Variants in STAU2 observed in about 807,000 individuals in gnomAD.
STAU2 encodes the protein double-stranded RNA-binding protein Staufen homolog 2.
STAU2 carries 20 observed loss-of-function variants against 65.9 expected under a neutral mutation model. That is an observed-to-expected ratio of 0.30 (90% CI 0.21 to 0.44). The LOEUF (loss-of-function observed/expected upper bound fraction) is 0.44. Among genes scored for constraint, STAU2 ranks in the 20% least tolerant of loss-of-function variants. The probability of loss-of-function intolerance (pLI) is 1.00; values close to 1 mark genes in which losing one functional copy is unlikely to be tolerated. For missense variants in STAU2, 558 were observed against 683.9 expected (o/e 0.82, Z 2.05); for synonymous variants, 232 against 233.9 (o/e 0.99, Z 0.07).
chr8:73,635,458 C>T (rs546504796), intron 6 of STAU2, among the ~76,000 whole-genome samples: 10 of 152,078 alleles, frequency 6.6e-5, no homozygotes, highest in African/African-American at 2.4e-4. Context: ...GGAAAATAGT[C>T]ATACTGGTTT....
chr8:73,724,292 G>C (rs1325000375), intron 3 of STAU2, among the ~76,000 whole-genome samples: 1 of 152,102 alleles, frequency 6.6e-6, no homozygotes, highest in Non-Finnish European at 1.5e-5. Flanking sequence ...CACGATCCTT[G>C]TTACACCACA....
chr8:73,478,254 T>C (rs1346430507), intron 13 of STAU2, among the ~76,000 whole-genome samples: 6 of 141,096 alleles, frequency 4.3e-5, no homozygotes, highest in Non-Finnish European at 9.0e-5. Context: ...GAATTAAGAA[T>C]TATCTTGGGC....
intron 3 of STAU2, among the ~76,000 whole-genome samples, chr8:73,714,520 T>A (rs1821111579): frequency 6.6e-6 from 1 of 152,032 alleles, no homozygotes. Flanking sequence ...CTCTCTCACA[T>A]AAACACAAAG....
intron 3 of STAU2, among the ~76,000 whole-genome samples, chr8:73,713,839 C>T (rs1821061664): frequency 1.3e-5 from 2 of 152,150 alleles, no homozygotes; most frequent in South Asian, 2.1e-4. Flanking sequence ...TACCTCGCTT[C>T]GCAAGGCAAA....
At chr8:73,669,232 T>C (rs1268185286) in intron 6 of STAU2, 2 of 597,612 alleles carry the variant, frequency 3.3e-6, no homozygotes, top group African/African-American at 1.9e-5. Context: ...AGCTTACTAG[T>C]ACTTTCCGAT....
intron 10 of STAU2, among the ~76,000 whole-genome samples, chr8:73,600,994 A>C (rs561373762): frequency 5.3e-4 from 81 of 152,374 alleles, no homozygotes; most frequent in Admixed American, 1.2e-3. Flanking sequence ...AAAGTTAAGT[A>C]AGTTTATAAA....
chr8:73,527,953 T>C, intron 13 of STAU2: 1 of 496,388 alleles, frequency 2.0e-6, no homozygotes. Context: ...GGACTTGAAT[T>C]GAATCTATTA....
At chr8:73,503,543 T>C (rs1821878040) in intron 13 of STAU2, among the ~76,000 whole-genome samples, 1 of 148,218 alleles carries the variant, frequency 6.7e-6, no homozygotes, top group Non-Finnish European at 1.5e-5. Context: ...CCTTGATTCT[T>C]GTTTAAAATC....
Position 73,569,040 on chromosome 8 carries a change from G to A in STAU2, c.1222+13730C>T, listed in dbSNP as rs186802708. The stretch of plus-strand genomic sequence containing the variant: ...TCTCACCTGGGAAGCGCAAGGGGTC[G>A]GGGAATTCCCTTTCCTAGACAAGGG... On this transcript the variant is annotated intron_variant, in intron 12 of 14. Transcript: ENST00000524300. Among the ~76,000 whole-genome samples, 241 of 152,160 alleles carry A rather than the reference G, an allele frequency of 1.6e-3. 2 individuals carry two copies. The highest frequency in any genetic ancestry group is 6.8e-3 in the Middle Eastern group (2 of 292).
At chr8:73,499,978 CTTTAT>C (rs1821647122) in intron 13 of STAU2, among the ~76,000 whole-genome samples, 3 of 151,858 alleles carry the variant, frequency 2.0e-5, no homozygotes, top group African/African-American at 7.2e-5. Flanking sequence ...GGCTCCATGC[CTTTAT>C]TTTATTTATC....
intron 13 of STAU2, among the ~76,000 whole-genome samples, chr8:73,517,591 TG>T (rs1024335627): frequency 1.3e-5 from 2 of 152,224 alleles, no homozygotes; most frequent in African/African-American, 4.8e-5. Context: ...TAACCTGTTA[TG>T]AAACACCAAG....
At chr8:73,511,281 ACTTTC>A (rs1822386503) in intron 13 of STAU2, 1 of 152,730 alleles carries the variant, frequency 6.5e-6, no homozygotes, top group Non-Finnish European at 1.5e-5. Context: ...CATCAACATC[ACTTTC>A]ACCATCATAG....
intron 13 of STAU2, among the ~76,000 whole-genome samples, chr8:73,468,799 G>C (rs906424549): frequency 1.3e-5 from 2 of 152,044 alleles, no homozygotes; most frequent in Non-Finnish European, 2.9e-5. Context: ...AAAAAGTCAG[G>C]AAACGACAGG....
intron 6 of STAU2, among the ~76,000 whole-genome samples, chr8:73,656,072 C>T (rs879557123): frequency 3.0e-4 from 46 of 152,096 alleles, no homozygotes; most frequent in Admixed American, 9.2e-4. Flanking sequence ...CATGAGTCAC[C>T]GTGCCAGGCC....
chr8:73,570,514 GGAAA>G (rs1808985118), intron 12 of STAU2, among the ~76,000 whole-genome samples: 1 of 152,162 alleles, frequency 6.6e-6, no homozygotes, highest in African/African-American at 2.4e-5. Flanking sequence ...GAACCAAGTT[GGAAA>G]ACACTCTGCA....
chr8:73,721,127 A>AT (rs1176373951), intron 3 of STAU2, among the ~76,000 whole-genome samples: 1 of 150,274 alleles, frequency 6.7e-6, no homozygotes, highest in African/African-American at 2.4e-5. Context: ...AAAAAAAAAA[A>AT]AAAAAAAAGA....
At chr8:73,577,900 T>A (rs114075084) in intron 12 of STAU2, among the ~76,000 whole-genome samples, 1,757 of 152,324 alleles carry the variant, frequency 0.012, 32 homozygotes, top group African/African-American at 0.039. Flanking sequence ...TGCCTTTTTT[T>A]AAAAAATTGA....
In STAU2 at chr8:73,625,105, C is replaced by T. The variant is rs138986231; in HGVS notation, c.411-7654G>A. ...GACATGGCAAATTGGAACCCTCATACATTCTGGTGGGAATGTAAAATGGTG... is the reference window on the plus strand; with the variant it reads ...GACATGGCAAATTGGAACCCTCATATATTCTGGTGGGAATGTAAAATGGTG... On this transcript the variant is annotated intron_variant, in intron 6 of 14. Transcript: ENST00000524300. Among the ~76,000 whole-genome samples, 111 of 152,116 alleles carry T rather than the reference C, an allele frequency of 7.3e-4. 2 individuals carry two copies. In the East Asian group the frequency reaches 0.014, roughly 19 times the overall value.
chr8:73,589,336 C>T (rs1810605435), intron 11 of STAU2, among the ~76,000 whole-genome samples: 2 of 152,050 alleles, frequency 1.3e-5, no homozygotes, highest in Admixed American at 6.5e-5. Context: ...TATGAGATAC[C>T]CAAAACTGCA....
Sources: allele counts gnomAD v4.1 joint callset (sites outside exome capture counted in the v4.1 genomes callset), GRCh38; gene constraint gnomAD v4.1.1; transcripts MANE v1.5; gene names NCBI Gene and HGNC (gene_info 2026-07-23, HGNC 2026-07-21).